DLG1: variants seen among roughly 807,000 people sequenced by gnomAD.
DLG1 encodes the protein disks large homolog 1.
A neutral mutation model predicts 123.4 loss-of-function variants in DLG1; 42 were observed. The observed-to-expected ratio is 0.34, with a 90% CI of 0.27 to 0.44. DLG1 has a LOEUF of 0.44. DLG1 is among the 20% of genes least tolerant of loss of function. The pLI, the probability that DLG1 is intolerant of heterozygous loss-of-function variation, is 1.00. For synonymous variants in DLG1, 317 were observed against 356.2 expected, an observed-to-expected ratio of 0.89 and a Z score of 1.24; for missense variants, 942 against 1,082.6, an observed-to-expected ratio of 0.87 and a Z score of 1.82.
intron 10 of DLG1, among the ~76,000 whole-genome samples, chr3:197,133,694 C>A (rs1201197028): frequency 6.6e-6 from 1 of 152,122 alleles, no homozygotes; most frequent in Non-Finnish European, 1.5e-5. Flanking sequence ...AGAAAATGGA[C>A]AAGGAGTGAG....
chr3:197,298,660 T>G, upstream of DLG1: 5 of 146,288 alleles, frequency 3.4e-5, no homozygotes, highest in East Asian at 2.2e-4. Flanking sequence ...CAACTGCACC[T>G]CCCAGGGGGC....
intron 16 of DLG1, among the ~76,000 whole-genome samples, chr3:197,084,248 A>C (rs1752841958): frequency 6.6e-6 from 1 of 151,848 alleles, no homozygotes; most frequent in South Asian, 2.1e-4. Context: ...GATTTAATAT[A>C]TACTTACTTT....
chr3:197,052,303 A>AG (rs1446853304), intron 23 of DLG1, among the ~76,000 whole-genome samples: 1 of 152,048 alleles, frequency 6.6e-6, no homozygotes, highest in Non-Finnish European at 1.5e-5. Context: ...AAAAATATAA[A>AG]AATTAGCTGG....
chr3:197,205,988 C>T (rs1358274840), intron 4 of DLG1, among the ~76,000 whole-genome samples: 1 of 152,180 alleles, frequency 6.6e-6, no homozygotes, highest in Non-Finnish European at 1.5e-5. Context: ...TGGGTCCACC[C>T]AAATAATTTA....
rs530436521 is a variant in DLG1, at chr3:197,119,763, A to G, written c.1166-233T>C. 1.1e-4 allele frequency among the ~76,000 whole-genome samples: 17 copies of G among 152,280 alleles called. No homozygotes were observed. The East Asian group carries it at 1.9e-3, about 17-fold the overall frequency. ...CTCCCAAAGTGTTGGGATTACAGGCATAAGCCACCACACCCAGATTACTTA... is the reference window on the plus strand; with the variant it reads ...CTCCCAAAGTGTTGGGATTACAGGCGTAAGCCACCACACCCAGATTACTTA... On this transcript the variant is annotated intron_variant, in intron 11 of 24. Transcript: ENST00000667157.
At chr3:197,196,334 T>C (rs143175150) in intron 4 of DLG1, among the ~76,000 whole-genome samples, 2 of 152,248 alleles carry the variant, frequency 1.3e-5, no homozygotes, top group Non-Finnish European at 2.9e-5. Context: ...GCTTATTCGA[T>C]AGGATATAAG....
chr3:197,114,071 GA>G lies in DLG1; in HGVS notation c.1443+1855del, dbSNP rs35304783. On this transcript the variant is annotated intron_variant, in intron 13 of 24. Transcript: ENST00000667157. ...TACAAGGAGACAGAGCTGTAAATATGAAATTGGGGTTAACAGACATGAAAAA... is the reference window on the plus strand; with the variant it reads ...TACAAGGAGACAGAGCTGTAAATATGAATTGGGGTTAACAGACATGAAAAA... Among the ~76,000 whole-genome samples, 72 of 152,306 alleles carry G rather than the reference GA, an allele frequency of 4.7e-4. No individual in the cohort carries two copies. In the South Asian group the frequency reaches 0.015, roughly 31 times the overall value.
intron 4 of DLG1, among the ~76,000 whole-genome samples, chr3:197,265,822 A>G (rs1379221425): frequency 1.3e-5 from 2 of 152,170 alleles, no homozygotes; most frequent in Non-Finnish European, 2.9e-5. Flanking sequence ...GAGGCCAAGG[A>G]GAGTGGATCA....
chr3:197,058,821 A>G (rs1454904593), intron 23 of DLG1, among the ~76,000 whole-genome samples: 1 of 152,208 alleles, frequency 6.6e-6, no homozygotes, highest in Non-Finnish European at 1.5e-5. Flanking sequence ...TTTCGCCCCT[A>G]TGCAGCTGTC....
At position 197,061,287 on chromosome 3, in the gene DLG1, G is replaced by A. The variant is rs759906191; in HGVS notation, c.2374-1289C>T. On this transcript the variant is annotated intron_variant, in intron 22 of 24. Coordinates refer to ENST00000667157, the MANE Select transcript of DLG1 (RefSeq NM_001366207.1). The stretch of plus-strand genomic sequence containing the variant: ...TCAGACATAAATATTTTACATGATC[G>A]CTTAAACATTTTAATAACTTGATAC... Among the ~76,000 whole-genome samples, 9 of 152,034 alleles carry A rather than the reference G, an allele frequency of 5.9e-5. No individual in the cohort carries two copies. In the East Asian group the frequency reaches 7.7e-4, roughly 13 times the overall value.
intron 4 of DLG1, among the ~76,000 whole-genome samples, chr3:197,270,260 T>G (rs138832676): frequency 6.6e-6 from 1 of 152,164 alleles, no homozygotes; most frequent in African/African-American, 2.4e-5. Context: ...CTTCAAGTGA[T>G]TCGTCTAGTC....
chr3:197,087,992 T>C (rs1338813216), intron 15 of DLG1, among the ~76,000 whole-genome samples: 2 of 152,240 alleles, frequency 1.3e-5, no homozygotes, highest in South Asian at 2.1e-4. Context: ...CTGAAATGGA[T>C]GAAAATAAAA....
chr3:197,147,782 C>A (rs1433228933), intron 6 of DLG1, among the ~76,000 whole-genome samples: 1 of 150,516 alleles, frequency 6.6e-6, no homozygotes, highest in Non-Finnish European at 1.5e-5. Flanking sequence ...ATTCATGTAA[C>A]CAAACAACAC....
At chr3:197,178,652 G>C (rs1808422099) in intron 5 of DLG1, among the ~76,000 whole-genome samples, 1 of 152,056 alleles carries the variant, frequency 6.6e-6, no homozygotes, top group East Asian at 1.9e-4. Context: ...ACATTTAGCA[G>C]TAGGAAAAAG....
At chr3:197,177,923 A>G (rs146840831) in intron 5 of DLG1, among the ~76,000 whole-genome samples, 5 of 152,266 alleles carry the variant, frequency 3.3e-5, no homozygotes, top group African/African-American at 1.2e-4. Context: ...AAAGACAGAC[A>G]AACACACCTG....
chr3:197,250,562 C>A (rs1753871858), intron 4 of DLG1, among the ~76,000 whole-genome samples: 1 of 148,310 alleles, frequency 6.7e-6, no homozygotes, highest in African/African-American at 2.5e-5. Context: ...GAGTGAGACT[C>A]CGTCTCAAAA....
At chr3:197,093,845 T>G (rs1325983765) in intron 14 of DLG1, among the ~76,000 whole-genome samples, 1 of 152,194 alleles carries the variant, frequency 6.6e-6, no homozygotes, top group Non-Finnish European at 1.5e-5. Flanking sequence ...CACTGTGACC[T>G]TGCAATTTCC....
intron 4 of DLG1, among the ~76,000 whole-genome samples, chr3:197,253,559 T>C (rs1286548993): frequency 6.6e-6 from 1 of 152,202 alleles, no homozygotes; most frequent in Non-Finnish European, 1.5e-5. Flanking sequence ...CGGCAATCTC[T>C]TGAAAATTAT....
intron 5 of DLG1, among the ~76,000 whole-genome samples, chr3:197,163,809 T>C (rs946891460): frequency 1.3e-5 from 2 of 150,938 alleles, no homozygotes; most frequent in African/African-American, 4.9e-5. Context: ...AGTGTTGAGA[T>C]TACAGGTGTG....
Sources: allele counts gnomAD v4.1 joint callset (sites outside exome capture counted in the v4.1 genomes callset), GRCh38; gene constraint gnomAD v4.1.1; transcripts MANE v1.5; gene names NCBI Gene and HGNC (gene_info 2026-07-23, HGNC 2026-07-21).